ADCY9: variants seen among roughly 807,000 people sequenced by gnomAD.
The protein encoded by ADCY9 is adenylate cyclase type 9.
A neutral mutation model predicts 101.5 loss-of-function variants in ADCY9; 50 were observed. That is an observed-to-expected ratio of 0.49 (90% CI 0.39 to 0.62). ADCY9 has a LOEUF of 0.62. Among genes scored for constraint, ADCY9 ranks in the 20% least tolerant of loss-of-function variants. The pLI, the probability that ADCY9 is intolerant of heterozygous loss-of-function variation, is 0.00. For synonymous variants in ADCY9, 905 were observed against 769.3 expected, an observed-to-expected ratio of 1.18 and a Z score of -2.92; for missense variants, 1,662 against 1,800.4, an observed-to-expected ratio of 0.92 and a Z score of 1.39.
intron 6 of ADCY9, among the ~76,000 whole-genome samples, chr16:3,986,120 G>A (rs560713621): frequency 2.5e-4 from 38 of 152,356 alleles, no homozygotes; most frequent in African/African-American, 8.9e-4. Context: ...CGGGCTGTCT[G>A]GGCTCAAGGC....
chr16:3,978,158 T>G (rs1487011190), intron 8 of ADCY9, among the ~76,000 whole-genome samples: 1 of 152,204 alleles, frequency 6.6e-6, no homozygotes, highest in Admixed American at 6.6e-5. Context: ...TGAGGCTCCC[T>G]GTTCACATGG....
chr16:4,008,064 G>A (rs755188705), intron 2 of ADCY9, among the ~76,000 whole-genome samples: 1 of 152,076 alleles, frequency 6.6e-6, no homozygotes, highest in South Asian at 2.1e-4. Flanking sequence ...CAGGGACCAA[G>A]AGGCCATTAA....
At chr16:3,980,093 G>A (rs937154133) in intron 7 of ADCY9, among the ~76,000 whole-genome samples, 1 of 152,256 alleles carries the variant, frequency 6.6e-6, no homozygotes, top group African/African-American at 2.4e-5. Flanking sequence ...CATGTTCATC[G>A]TGCATGTTCA....
chr16:3,974,786 G>T, intron 9 of ADCY9, 76 bp from the exon 10 acceptor site: 2 of 1,206,810 alleles, frequency 1.7e-6, no homozygotes, highest in South Asian at 2.5e-5. Context: ...AGAAGAGCTT[G>T]AACAAACTAT....
At chr16:4,070,910 G>A (rs1279242264) in intron 2 of ADCY9, among the ~76,000 whole-genome samples, 2 of 152,040 alleles carry the variant, frequency 1.3e-5, no homozygotes, top group Admixed American at 1.3e-4. Context: ...TCAGACCACT[G>A]CACTCCAGTC....
At chr16:4,090,648 C>G (rs761552856) in intron 2 of ADCY9, among the ~76,000 whole-genome samples, 3 of 151,994 alleles carry the variant, frequency 2.0e-5, no homozygotes, top group Non-Finnish European at 2.9e-5. Flanking sequence ...CTAATTTTAT[C>G]ACGCTGTATT....
At position 4,115,640 on chromosome 16, in the gene ADCY9, GC is replaced by G; in HGVS notation, c.-44+49del. On this transcript the variant is annotated intron_variant, in intron 1 of 10. Coordinates refer to ENST00000294016, the MANE Select transcript of ADCY9 (RefSeq NM_001116.4). This position sits in a 1 kb window ranked among gnomAD's most constrained non-coding sequence, Gnocchi z 6.2. Reference sequence around the variant, plus strand: ...TTCCCGGCTCAGCGGTGCTCCCACCGCCCCCACCGCCCCCACCTTCGAGGCG... The same window carrying G: ...TTCCCGGCTCAGCGGTGCTCCCACCGCCCCACCGCCCCCACCTTCGAGGCG... The G allele has an allele frequency of 3.3e-6, 2 of 609,512 alleles. No homozygotes were observed. Among genetic ancestry groups the G allele is most frequent in the Non-Finnish European group, 5.5e-6 (2 of 365,390 alleles). The allele number at this position is 609,512 out of a possible 1,614,324, so 37.8% of individuals were successfully genotyped here. A position where few individuals can be genotyped will look rare whatever the true frequency, so the allele number is the denominator to read the frequency against.
At chr16:4,028,931 C>A (rs1303817236) in intron 2 of ADCY9, among the ~76,000 whole-genome samples, 1 of 151,982 alleles carries the variant, frequency 6.6e-6, no homozygotes, top group Non-Finnish European at 1.5e-5. Flanking sequence ...ACTACAGGCA[C>A]CTGCCACTGC....
intron 2 of ADCY9, among the ~76,000 whole-genome samples, chr16:4,014,102 T>C (rs1227706084): frequency 2.0e-5 from 3 of 152,170 alleles, no homozygotes; most frequent in Non-Finnish European, 4.4e-5. Context: ...GAGCATCAGT[T>C]GTGCTCAGGA....
intron 2 of ADCY9, among the ~76,000 whole-genome samples, chr16:4,101,812 T>C (rs2057045079): frequency 6.6e-6 from 1 of 152,202 alleles, no homozygotes; most frequent in African/African-American, 2.4e-5. Flanking sequence ...GATCTGCTTA[T>C]AATTCCTCAA....
At chr16:4,065,121 G>A (rs1281566096) in intron 2 of ADCY9, among the ~76,000 whole-genome samples, 1 of 152,208 alleles carries the variant, frequency 6.6e-6, no homozygotes, top group Non-Finnish European at 1.5e-5. Flanking sequence ...TCATGTGCCA[G>A]ACCAGAAGCT....
At chr16:4,026,425 C>CA (rs34756033) in intron 2 of ADCY9, among the ~76,000 whole-genome samples, 53,217 of 97,694 alleles carry the variant, frequency 0.54, 14,504 homozygotes, top group Non-Finnish European at 0.63. Context: ...GACTCCGTCT[C>CA]AAAAAAAAAA....
chr16:4,026,816 T>C (rs1332334018), intron 2 of ADCY9, among the ~76,000 whole-genome samples: 1 of 152,208 alleles, frequency 6.6e-6, no homozygotes, highest in Non-Finnish European at 1.5e-5. Context: ...GGATAGTTGT[T>C]GCTGGGTCGG....
intron 2 of ADCY9, among the ~76,000 whole-genome samples, chr16:4,016,462 G>A (rs1016212449): frequency 6.6e-6 from 1 of 152,132 alleles, no homozygotes; most frequent in Non-Finnish European, 1.5e-5. Context: ...GAGGGAGGGG[G>A]TCAGGTCACA....
chr16:4,085,957 A>G (rs1047749669), intron 2 of ADCY9, among the ~76,000 whole-genome samples: 3 of 151,766 alleles, frequency 2.0e-5, no homozygotes, highest in African/African-American at 7.3e-5. Context: ...TTGCATAATT[A>G]TTAAAAAAAA....
At chr16:4,081,767 G>C (rs928007667) in intron 2 of ADCY9, among the ~76,000 whole-genome samples, 3 of 147,684 alleles carry the variant, frequency 2.0e-5, no homozygotes, top group Non-Finnish European at 4.5e-5. Context: ...ACGGTGGGTG[G>C]GGGGAGGGTG....
chr16:4,020,084 G>A (rs11642198), intron 2 of ADCY9, among the ~76,000 whole-genome samples: 26,845 of 147,058 alleles, frequency 0.18, 2,500 homozygotes, highest in Non-Finnish European at 0.22. Flanking sequence ...CTCAAAAAAA[G>A]AAAAAGAAAA....
Position 4,114,054 on chromosome 16 carries a change from G to A in ADCY9, c.1389C>T (p.Ile463=). 6.2e-7 allele frequency: 1 copy of A among 1,613,852 alleles called. No individual in the cohort carries two copies. Among genetic ancestry groups the A allele is most frequent in the South Asian group, 1.1e-5 (1 of 91,084 alleles). Residue 463 remains isoleucine (I), a synonymous_variant, in exon 2 of 11, where the codon ATC becomes ATT. Coordinates refer to ENST00000294016, the MANE Select transcript of ADCY9 (RefSeq NM_001116.4). The surrounding 1 kb of genome is among the most constrained non-coding windows in gnomAD (Gnocchi z 4.3). ...CCTTGATCATGCCCAGGCCCATCTCGATGCAGCAGTAGGCATGGTCGGCCC... is the reference window on the plus strand; with the variant it reads ...CCTTGATCATGCCCAGGCCCATCTCAATGCAGCAGTAGGCATGGTCGGCCC... ...EPRADHAYCC[I]EMGLGMIKAI... is the part of the protein sequence containing the mutation.
At chr16:4,021,412 T>G (rs1383672357) in intron 2 of ADCY9, among the ~76,000 whole-genome samples, 1 of 152,218 alleles carries the variant, frequency 6.6e-6, no homozygotes, top group Non-Finnish European at 1.5e-5. Context: ...TCAGGTCACT[T>G]TGGCCAATCT....
Sources: allele counts gnomAD v4.1 joint callset (sites outside exome capture counted in the v4.1 genomes callset), GRCh38; gene constraint gnomAD v4.1.1; non-coding constraint Gnocchi (gnomAD v3.1); transcripts MANE v1.5; gene names NCBI Gene and HGNC (gene_info 2026-07-23, HGNC 2026-07-21).